The following FAM20B variants were observed in gnomAD, a reference collection of about 807,000 sequenced individuals.
FAM20B encodes glycosaminoglycan xylosylkinase.
FAM20B carries 23 observed loss-of-function variants against 43.8 expected under a neutral mutation model. The ratio of observed to expected loss-of-function variants is 0.53; its 90% CI spans 0.38 to 0.74. The LOEUF (loss-of-function observed/expected upper bound fraction) is 0.74, where lower values mean the gene tolerates loss of function less well. Among genes scored for constraint, FAM20B ranks in the 30% least tolerant of loss-of-function variants. The pLI is 0.00. For synonymous variants in FAM20B, 178 were observed against 192.4 expected, an observed-to-expected ratio of 0.93 and a Z score of 0.62; for missense variants, 440 against 510.5, an observed-to-expected ratio of 0.86 and a Z score of 1.33.
In FAM20B at chr1:179,026,077, G is replaced by T. The variant is rs1003167487; in HGVS notation, c.-155G>T. 2 of 144,430 alleles carry T rather than the reference G, an allele frequency of 1.4e-5. No individual in the cohort carries two copies. Among genetic ancestry groups the T allele is most frequent in the South Asian group, 4.2e-4 (2 of 4,798 alleles). 8.9% of individuals were successfully genotyped at this position (144,430 alleles called of 1,614,324 possible). On this transcript the variant is annotated 5_prime_UTR_variant, in exon 1 of 8. An upstream open reading frame in the 5' UTR gains an earlier in-frame stop. Transcript: ENST00000263733. ...GCACCGCACCGCGCGGGCGGCCATG[G>T]AGCGAGCCTAGGGCCCGACAGGTGA...
chr1:179,019,881 C>T, the FAM20B span, among the ~76,000 whole-genome samples: 2,010 of 152,302 alleles, frequency 0.013, 24 homozygotes, highest in Middle Eastern at 0.027. Context: ...CCCCTGTACT[C>T]CCTTGCCTGA....
At chr1:179,055,267 G>C (rs1651163761) in intron 4 of FAM20B, among the ~76,000 whole-genome samples, 1 of 152,184 alleles carries the variant, frequency 6.6e-6, no homozygotes, top group Admixed American at 6.5e-5. Flanking sequence ...AGCAAGATGA[G>C]AATGGGAAGA....
intron 2 of FAM20B, among the ~76,000 whole-genome samples, chr1:179,049,996 C>G (rs1572545615): frequency 6.6e-6 from 1 of 152,318 alleles, no homozygotes; most frequent in Middle Eastern, 3.4e-3. Context: ...TTTATCTGTA[C>G]TAAAACTACA....
chr1:179,063,738 T>A (rs937015116), intron 4 of FAM20B, among the ~76,000 whole-genome samples, 189 bp from the exon 5 acceptor site: 2 of 152,234 alleles, frequency 1.3e-5, no homozygotes, highest in African/African-American at 2.4e-5. Flanking sequence ...TTGTACTTTT[T>A]AAATTTTTTT....
chr1:179,063,808 T>A, intron 4 of FAM20B, 119 bp from the exon 5 acceptor site: 1 of 671,580 alleles, frequency 1.5e-6, no homozygotes, highest in Non-Finnish European at 2.5e-6. Context: ...TATAGTAAAC[T>A]CAGGGTCTTT....
chr1:179,064,904 G>T (rs1236316074), intron 6 of FAM20B, among the ~76,000 whole-genome samples: 2 of 152,082 alleles, frequency 1.3e-5, no homozygotes, highest in Admixed American at 1.3e-4. Flanking sequence ...AATTTATTTG[G>T]TAGGATGTTT....
chr1:179,061,076 A>ATTTTTTTT (rs67897742), intron 4 of FAM20B, among the ~76,000 whole-genome samples: 1 of 126,288 alleles, frequency 7.9e-6, no homozygotes, highest in Non-Finnish European at 1.6e-5. Context: ...TCTTTGTCGA[A>ATTTTTTTT]TTTTTTTTTT....
chr1:179,019,596 G>A, the FAM20B span, among the ~76,000 whole-genome samples: 1 of 151,972 alleles, frequency 6.6e-6, no homozygotes, highest in Non-Finnish European at 1.5e-5. Flanking sequence ...CCGAGTACCT[G>A]GGATTACAGG....
intron 7 of FAM20B, among the ~76,000 whole-genome samples, chr1:179,067,128 T>A (rs1447923922): frequency 6.6e-6 from 1 of 150,818 alleles, no homozygotes; most frequent in Non-Finnish European, 1.5e-5. Context: ...TAGCAGAATA[T>A]AATCACCCAC....
chr1:179,068,101 G>C (rs980906666), intron 7 of FAM20B, among the ~76,000 whole-genome samples: 2 of 152,158 alleles, frequency 1.3e-5, no homozygotes, highest in African/African-American at 4.8e-5. Flanking sequence ...TCAAGAATTA[G>C]CTGGGATCCA....
At chr1:179,050,051 A>G (rs12733622) in intron 2 of FAM20B, among the ~76,000 whole-genome samples, 35,457 of 152,112 alleles carry the variant, frequency 0.23, 4,221 homozygotes, top group Middle Eastern at 0.31. Flanking sequence ...TCCATGTTTT[A>G]TTCTTAGAAT....
intron 7 of FAM20B, among the ~76,000 whole-genome samples, chr1:179,071,259 G>A (rs1369302263): frequency 6.6e-6 from 1 of 151,974 alleles, no homozygotes; most frequent in East Asian, 1.9e-4. Flanking sequence ...TCACACCACT[G>A]CACTCCAGCC....
At chr1:179,019,923 T>C in the FAM20B span, among the ~76,000 whole-genome samples, 1 of 152,172 alleles carries the variant, frequency 6.6e-6, no homozygotes, top group African/African-American at 2.4e-5. Flanking sequence ...CATGCCTCCT[T>C]ATTTCACCCA....
chr1:179,026,593 C>T (rs991920963), intron 1 of FAM20B, among the ~76,000 whole-genome samples: 1 of 152,214 alleles, frequency 6.6e-6, no homozygotes, highest in African/African-American at 2.4e-5. Context: ...GGCCGGGAAG[C>T]GCGAGTGACC....
intron 4 of FAM20B, among the ~76,000 whole-genome samples, chr1:179,055,519 T>C (rs1651178705): frequency 6.6e-6 from 1 of 152,214 alleles, no homozygotes; most frequent in African/African-American, 2.4e-5. Context: ...ATACTTTTCT[T>C]ATAGATAACC....
chr1:179,052,921 A>G (rs1186110253), intron 3 of FAM20B, among the ~76,000 whole-genome samples: 2 of 152,212 alleles, frequency 1.3e-5, no homozygotes, highest in Non-Finnish European at 2.9e-5. Flanking sequence ...TGTATTGCCC[A>G]ACACACTAAG....
At position 179,037,766 on chromosome 1, in the gene FAM20B, C is replaced by T. The variant is rs189213459; in HGVS notation, c.-133-5949C>T. On this transcript the variant is annotated intron_variant, in intron 1 of 7. Transcript: ENST00000263733. ...CCTCCCAAAGTGTTGGGATTACAGG[C>T]GTGAGGCACTGTCCCCAGCCAGTTC... 2.4e-3 allele frequency among the ~76,000 whole-genome samples: 362 copies of T among 152,110 alleles called. 2 individuals are homozygous for T. Among genetic ancestry groups the T allele is most frequent in the African/African-American group, 8.0e-3 (330 of 41,486 alleles).
chr1:179,024,407 A>C (rs536812202), upstream of FAM20B, among the ~76,000 whole-genome samples: 1 of 152,312 alleles, frequency 6.6e-6, no homozygotes, highest in Non-Finnish European at 1.5e-5. Context: ...GTCTTAAAGG[A>C]ACTGTTGATT....
intron 4 of FAM20B, 49 bp from the exon 5 acceptor site, chr1:179,063,878 G>C: frequency 7.3e-7 from 1 of 1,377,152 alleles, no homozygotes; most frequent in Non-Finnish European, 1.0e-6. Context: ...AGAGAACTTG[G>C]AGTCTTCGTT....
Sources: gnomAD v4.1 joint callset for allele counts (sites outside exome capture counted in the v4.1 genomes callset) on GRCh38, gnomAD v4.1.1 for gene constraint, MANE v1.5 for transcripts, NCBI Gene and HGNC (gene_info 2026-07-23, HGNC 2026-07-21) for gene names.